The following TTC39B variants were observed in gnomAD, a reference collection of about 807,000 sequenced individuals.
The protein encoded by TTC39B is tetratricopeptide repeat domain 39B.
Under a neutral mutation model 96.6 loss-of-function variants are expected in TTC39B, and 92 were observed. The ratio of observed to expected loss-of-function variants is 0.95; its 90% CI spans 0.80 to 1.13. The LOEUF (loss-of-function observed/expected upper bound fraction) is 1.13. TTC39B is among the 50% of genes most tolerant of loss of function. TTC39B has a pLI of 0.00. For missense variants in TTC39B, 955 were observed against 809.3 expected (o/e 1.18, Z -2.18); for synonymous variants, 367 against 299.4 (o/e 1.23, Z -2.33).
chr9:15,230,446 C>A (rs1287013752), intron 2 of TTC39B, among the ~76,000 whole-genome samples: 1 of 152,174 alleles, frequency 6.6e-6, no homozygotes, highest in African/African-American at 2.4e-5. Context: ...ATAGATTTGC[C>A]TATTCTGGAC....
At chr9:15,272,608 A>G (rs1236051520) in intron 1 of TTC39B, among the ~76,000 whole-genome samples, 1 of 152,186 alleles carries the variant, frequency 6.6e-6, no homozygotes, top group East Asian at 1.9e-4. Flanking sequence ...TCATTGAACC[A>G]CACCTGGCTC....
exon 20 of TTC39B, chr9:15,168,293 A>G (rs1010529438): frequency 4.6e-5 from 7 of 152,186 alleles, no homozygotes; most frequent in Non-Finnish European, 8.8e-5. Context: ...GTAATTTTCT[A>G]AGATCCATTC....
intron 1 of TTC39B, among the ~76,000 whole-genome samples, chr9:15,272,318 T>G (rs1339339138): frequency 6.6e-6 from 1 of 152,198 alleles, no homozygotes; most frequent in East Asian, 1.9e-4. Flanking sequence ...ATAAATTTCC[T>G]AGTGCTCCTC....
chr9:15,285,351 C>CT (rs1823929571), intron 1 of TTC39B, among the ~76,000 whole-genome samples: 2 of 151,168 alleles, frequency 1.3e-5, no homozygotes, highest in Non-Finnish European at 2.9e-5. Flanking sequence ...TTTTTAAAAA[C>CT]TTTTTATTTA....
intron 8 of TTC39B, among the ~76,000 whole-genome samples, chr9:15,199,605 G>A (rs923963964): frequency 3.0e-4 from 46 of 151,322 alleles, no homozygotes; most frequent in African/African-American, 9.9e-4. Context: ...CGTGGTGGCG[G>A]GCGCCTGTAG....
chr9:15,167,013 TA>T (rs1564299852), exon 20 of TTC39B: 33 of 8,268 alleles, frequency 4.0e-3, no homozygotes, highest in African/African-American at 0.01. Context: ...TATATATATA[TA>T]TATATATATA....
At chr9:15,204,495 C>T (rs1229932495) in intron 6 of TTC39B, among the ~76,000 whole-genome samples, 13 of 151,478 alleles carry the variant, frequency 8.6e-5, no homozygotes, top group Admixed American at 7.9e-4. Context: ...CGCCATTGCA[C>T]TCCAGCCCGG....
At chr9:15,275,567 T>C (rs1439693195) in intron 1 of TTC39B, among the ~76,000 whole-genome samples, 1 of 152,166 alleles carries the variant, frequency 6.6e-6, no homozygotes, top group African/African-American at 2.4e-5. Flanking sequence ...AAAAGAGTCC[T>C]TGCTTTAAGG....
At chr9:15,301,543 T>G (rs1013603631) in intron 1 of TTC39B, among the ~76,000 whole-genome samples, 3 of 152,126 alleles carry the variant, frequency 2.0e-5, no homozygotes, top group African/African-American at 7.2e-5. Context: ...TCACCTTTAG[T>G]CAGGAGTTTG....
chr9:15,260,671 T>C (rs541089007), intron 2 of TTC39B, among the ~76,000 whole-genome samples: 2 of 152,294 alleles, frequency 1.3e-5, no homozygotes, highest in South Asian at 4.2e-4. Context: ...ATCTACAATT[T>C]ATGGTTCGAA....
At chr9:15,173,065 G>C (rs1817745490) in intron 19 of TTC39B, among the ~76,000 whole-genome samples, 1 of 152,154 alleles carries the variant, frequency 6.6e-6, no homozygotes, top group South Asian at 2.1e-4. Context: ...GTATTGTCTT[G>C]AGTTAGTGGA....
chr9:15,307,024 T>C, intron 1 of TTC39B, 60 bp downstream of exon 1: 2 of 1,579,226 alleles, frequency 1.3e-6, no homozygotes, highest in South Asian at 2.3e-5. Flanking sequence ...CTCACTCTTC[T>C]CTCCCGGACT....
Position 15,221,969 on chromosome 9 carries a change from T to C in TTC39B, c.371+3948A>G, listed in dbSNP as rs143813681. Among the ~76,000 whole-genome samples, 82 of 152,346 alleles carry C rather than the reference T, an allele frequency of 5.4e-4. No homozygotes were observed. The Middle Eastern group carries it at 0.01, about 19-fold the overall frequency. ...TGGCTTCTTGGCAAACACTGGTAAC[T>C]ACTCTGGTTAAGCAACTAAGCCAGA... On this transcript the variant is annotated intron_variant, in intron 3 of 19. Transcript: ENST00000512701.
At chr9:15,214,587 G>A (rs1417388002) in intron 3 of TTC39B, among the ~76,000 whole-genome samples, 4 of 152,102 alleles carry the variant, frequency 2.6e-5, no homozygotes, top group Non-Finnish European at 5.9e-5. Flanking sequence ...GTCCTGGCCA[G>A]TAGAGGTTCA....
intron 8 of TTC39B, among the ~76,000 whole-genome samples, chr9:15,195,058 A>G (rs563939115): frequency 3.6e-4 from 55 of 152,364 alleles, no homozygotes; most frequent in African/African-American, 1.3e-3. Context: ...ACAGGCTGGA[A>G]GCTAGGCCTC....
At position 15,251,503 on chromosome 9, in the gene TTC39B, G is replaced by A. The variant is rs1029783215; in HGVS notation, c.275+16411C>T. Among the ~76,000 whole-genome samples the A allele has an allele frequency of 9.2e-5, 14 of 151,810 alleles. No homozygotes were observed. The East Asian group carries it at 9.8e-4, about 11-fold the overall frequency. ...CTTGAACTGGGTAGGTGCAGGTTGC[G>A]GTGAGCTGAGTAGCGCCATTGCACT... is the stretch of plus-strand genomic sequence containing the variant. On this transcript the variant is annotated intron_variant, in intron 2 of 19. Coordinates refer to ENST00000512701, the Ensembl canonical transcript of TTC39B.
chr9:15,299,526 A>G (rs1824501658), intron 1 of TTC39B, among the ~76,000 whole-genome samples: 1 of 152,140 alleles, frequency 6.6e-6, no homozygotes, highest in Admixed American at 6.6e-5. Flanking sequence ...TCCACGAAGC[A>G]CAGGGGGAGA....
intron 3 of TTC39B, among the ~76,000 whole-genome samples, chr9:15,215,370 C>G (rs767547826): frequency 7.9e-5 from 12 of 151,852 alleles, no homozygotes; most frequent in Non-Finnish European, 1.8e-4. Flanking sequence ...CCACCCTGAC[C>G]AACATGGTGA....
chr9:15,197,276 G>A (rs1819225817), intron 8 of TTC39B, among the ~76,000 whole-genome samples: 1 of 152,096 alleles, frequency 6.6e-6, no homozygotes, highest in African/African-American at 2.4e-5. Flanking sequence ...TTTAGGTTTT[G>A]ATGACTAAAA....
Sources: gnomAD v4.1 joint callset for allele counts (sites outside exome capture counted in the v4.1 genomes callset) on GRCh38, gnomAD v4.1.1 for gene constraint, MANE v1.5 for transcripts, NCBI Gene and HGNC (gene_info 2026-07-23, HGNC 2026-07-21) for gene names.